The following CDS2 variants were observed in gnomAD, a reference collection of about 807,000 sequenced individuals.
CDS2 encodes CDP-diacylglycerol synthase 2.
A neutral mutation model predicts 59.0 loss-of-function variants in CDS2; 47 were observed. The observed-to-expected ratio is 0.80, with a 90% CI of 0.63 to 1.02. The LOEUF (loss-of-function observed/expected upper bound fraction) is 1.02, where lower values mean the gene tolerates loss of function less well. Ranked by LOEUF, CDS2 falls within the 50% of genes least tolerant of loss-of-function variation. The probability of loss-of-function intolerance (pLI) is 0.00; values close to 1 mark genes in which losing one functional copy is unlikely to be tolerated. For missense variants in CDS2, 356 were observed against 558.9 expected (o/e 0.64, Z 3.66); for synonymous variants, 207 against 206.4 (o/e 1.00, Z -0.02).
At chr20:5,148,174 C>T (rs1179597891) in intron 1 of CDS2, among the ~76,000 whole-genome samples, 1 of 152,150 alleles carries the variant, frequency 6.6e-6, no homozygotes, top group African/African-American at 2.4e-5. Flanking sequence ...TGCAGCTGCA[C>T]CCCCTTCCTG....
intron 6 of CDS2, 138 bp from the exon 7 acceptor site, chr20:5,182,923 C>G: frequency 1.5e-6 from 1 of 684,564 alleles, no homozygotes. Context: ...CTTACCTGTT[C>G]ACTTTCAATA....
chr20:5,167,245 T>C (rs1197008552), intron 1 of CDS2, among the ~76,000 whole-genome samples: 1 of 152,224 alleles, frequency 6.6e-6, no homozygotes, highest in Admixed American at 6.5e-5. Context: ...TTTCTTGTCC[T>C]TTCTCTGAGT....
At chr20:5,172,769 G>A (rs2090965615) in intron 1 of CDS2, among the ~76,000 whole-genome samples, 2 of 152,166 alleles carry the variant, frequency 1.3e-5, no homozygotes, top group Admixed American at 1.3e-4. Flanking sequence ...CAACTATTCT[G>A]AATTCCCCTA....
At chr20:5,164,079 C>T (rs147321362) in intron 1 of CDS2, among the ~76,000 whole-genome samples, 114 of 152,148 alleles carry the variant, frequency 7.5e-4, no homozygotes, top group East Asian at 5.0e-3. Flanking sequence ...CACGAGCCAC[C>T]GCACCCACCC....
chr20:5,166,387 G>T (rs1391574899), intron 1 of CDS2, among the ~76,000 whole-genome samples: 3 of 152,104 alleles, frequency 2.0e-5, no homozygotes. Context: ...GGGAAGAGAT[G>T]ATGAGCTTGG....
rs1390686129 is a variant in CDS2 at position 5,185,824 on chromosome 20, C to T, written c.826C>T (p.Leu276=). The T allele has an allele frequency of 3.1e-6, 5 of 1,614,060 alleles. No homozygotes were observed. The South Asian group carries it at 5.5e-5, about 18-fold the overall frequency. The change falls in exon 9 of 13, where the codon CTG becomes TTG. Residue 276 remains leucine, a splice_region_variant and synonymous_variant. Transcript: ENST00000460006. ...CTTTGCTACTGTGGTGTTTGGCCTT[C>T]TGGTAGGTGGTGGCTTTCAGCTGTG... The part of the protein sequence containing the change: ...GFFATVVFGL[L]LSYVMSGYRC...
intron 1 of CDS2, among the ~76,000 whole-genome samples, chr20:5,151,807 C>T (rs1396313579): frequency 3.4e-5 from 4 of 117,692 alleles, no homozygotes; most frequent in South Asian, 3.1e-4. Flanking sequence ...TCTTGTTGCT[C>T]AGGCTGGAGT....
At position 5,197,293 on chromosome 20, in the gene CDS2, G is replaced by A. The variant is rs1315485900; in HGVS notation, c.*7059G>A. 2.9e-5 allele frequency: 4 copies of A among 137,246 alleles called. No individual in the cohort carries two copies. The highest frequency in any genetic ancestry group is 4.6e-5 in the Non-Finnish European group (3 of 65,446). The allele number at this position is 137,246 out of a possible 1,614,324, so 8.5% of individuals were successfully genotyped here. On this transcript the variant is annotated 3_prime_UTR_variant, in exon 13 of 13. Transcript: ENST00000460006. ...GAGCTGTGGACATCCTTCTTAATTC[G>A]ATTCTGAGGATTTGTTTAACTAAAA...
chr20:5,152,112 G>A (rs1464199599), intron 1 of CDS2, among the ~76,000 whole-genome samples: 1 of 151,536 alleles, frequency 6.6e-6, no homozygotes, highest in African/African-American at 2.4e-5. Flanking sequence ...ACAAAAACAG[G>A]CAATGATCTT....
At chr20:5,176,830 A>G in intron 4 of CDS2, 85 bp downstream of exon 4, 4 of 901,002 alleles carry the variant, frequency 4.4e-6, no homozygotes, top group South Asian at 3.9e-5. Context: ...GGGTATTTCT[A>G]TCACTTGCTA....
chr20:5,187,093 T>TTGGTGGG, intron 10 of CDS2: 1 of 167,816 alleles, frequency 6.0e-6, no homozygotes, highest in Non-Finnish European at 1.2e-5. Context: ...TCCTTTTAGT[T>TTGGTGGG]GCGGGGGTAG....
In CDS2 at chr20:5,141,153, T is replaced by C. The variant is rs377532760; in HGVS notation, c.57+14004T>C. The stretch of plus-strand genomic sequence containing the variant: ...CTATCTTGGAGCTGGCCATAAAAAA[T>C]TATCTGGCTTTCCTTGTTTGATTGC... On this transcript the variant is annotated intron_variant, in intron 1 of 12. Coordinates refer to ENST00000460006, the MANE Select transcript of CDS2 (RefSeq NM_003818.4). Among the ~76,000 whole-genome samples, 4 of 152,286 alleles carry C rather than the reference T, an allele frequency of 2.6e-5. No individual in the cohort carries two copies. The East Asian group carries it at 7.7e-4, about 29-fold the overall frequency.
chr20:5,186,853 A>G lies in CDS2; in HGVS notation c.981+14A>G. ...GTCATTGGCTGGGTATGTGCCACTC[A>G]CAGGGGGTGAGCGGCCTCCATGGAC... On this transcript the variant is annotated intron_variant, in intron 10 of 12. Transcript: ENST00000460006. 1 of 1,613,842 alleles carries G rather than the reference A, an allele frequency of 6.2e-7. No homozygotes were observed. Among genetic ancestry groups the G allele is most frequent in the South Asian group, 1.1e-5 (1 of 91,074 alleles).
intron 1 of CDS2, among the ~76,000 whole-genome samples, chr20:5,134,673 A>G (rs2090634313): frequency 6.6e-6 from 1 of 151,964 alleles, no homozygotes; most frequent in Admixed American, 6.6e-5. Flanking sequence ...GGCGCCCACC[A>G]TCACACCCAG....
In CDS2 at chr20:5,140,151, T is replaced by C. The variant is rs75068235; in HGVS notation, c.57+13002T>C. ...GTTTTTGTCCTTTATTCTGTTGATATAGCATCATTTTTATTGATGTGCCAT... is the reference window on the plus strand; with the variant it reads ...GTTTTTGTCCTTTATTCTGTTGATACAGCATCATTTTTATTGATGTGCCAT... On this transcript the variant is annotated intron_variant, in intron 1 of 12. Transcript: ENST00000460006. Among the ~76,000 whole-genome samples, 152 of 152,354 alleles carry C rather than the reference T, an allele frequency of 1.0e-3. 1 individual carries two copies. The highest frequency in any genetic ancestry group is 3.2e-3 in the African/African-American group (134 of 41,578).
chr20:5,186,726 C>T lies in CDS2; in HGVS notation c.868C>T (p.Pro290Ser). 1.2e-6 allele frequency: 2 copies of T among 1,614,016 alleles called. No individual in the cohort carries two copies. Among genetic ancestry groups the T allele is most frequent in the Non-Finnish European group, 1.7e-6 (2 of 1,179,988 alleles). Residue 290 changes from proline to serine, a missense_variant, in exon 10 of 13, where the codon CCT (proline) becomes TCT (serine). Pro to Ser is a moderately conservative substitution (Grantham distance 74). Around this residue, in one of 5 missense-constraint regions of CDS2, gnomAD observed 88 missense variants for 103.6 expected, o/e 0.85. Transcript: ENST00000460006. ...VMSGYRCFVC[P>S]VEYNNDTNSF... Reference sequence around the variant, plus strand: ...GTCCGGGTACAGATGCTTTGTCTGCCCTGTGGAGTACAACAATGACACCAA... The same window carrying T: ...GTCCGGGTACAGATGCTTTGTCTGCTCTGTGGAGTACAACAATGACACCAA...
At chr20:5,149,557 A>G (rs2122989457) in intron 1 of CDS2, among the ~76,000 whole-genome samples, 1 of 152,094 alleles carries the variant, frequency 6.6e-6, no homozygotes, top group East Asian at 1.9e-4. Context: ...CCATATAGGT[A>G]CTTAATTTAT....
chr20:5,133,100 G>T (rs1243453387), intron 1 of CDS2, among the ~76,000 whole-genome samples: 1 of 151,620 alleles, frequency 6.6e-6, no homozygotes, highest in East Asian at 1.9e-4. Context: ...GCGTGAACCC[G>T]GGAGGCGGAG....
intron 1 of CDS2, among the ~76,000 whole-genome samples, chr20:5,140,089 G>A (rs1429138592): frequency 2.0e-5 from 3 of 152,252 alleles, no homozygotes; most frequent in African/African-American, 4.8e-5. Flanking sequence ...GGCGTGAACC[G>A]CTGCACCCGG....
Sources: allele counts gnomAD v4.1 joint callset (sites outside exome capture counted in the v4.1 genomes callset), GRCh38; gene constraint gnomAD v4.1.1; regional missense constraint gnomAD v4.1.1; transcripts MANE v1.5; gene names NCBI Gene and HGNC (gene_info 2026-07-23, HGNC 2026-07-21).